RAB3GAP1: variants seen among roughly 807,000 people sequenced by gnomAD.
RAB3GAP1 encodes RAB3 GTPase activating protein catalytic subunit 1.
A neutral mutation model predicts 130.7 loss-of-function variants in RAB3GAP1; 86 were observed. The observed-to-expected ratio is 0.66, with a 90% CI of 0.55 to 0.79. The LOEUF is 0.79. Ranked by LOEUF, RAB3GAP1 falls within the 30% of genes least tolerant of loss-of-function variation. The pLI is 0.00. For synonymous variants in RAB3GAP1, 367 were observed against 401.7 expected (o/e 0.91, Z 1.03); for missense variants, 1,029 against 1,169.4 (o/e 0.88, Z 1.75).
At chr2:135,115,075 A>G (rs1690925904) in intron 6 of RAB3GAP1, 141 bp from the exon 7 acceptor site, 2 of 711,596 alleles carry the variant, frequency 2.8e-6, no homozygotes, top group Non-Finnish European at 4.6e-6. Flanking sequence ...TCTTTGTTAT[A>G]CACACAAACC....
Position 135,170,034 on chromosome 2 carries a change from C to T in RAB3GAP1, c.*1253C>T, listed in dbSNP as rs772517970. On this transcript the variant is annotated 3_prime_UTR_variant, in exon 24 of 24. Transcript: ENST00000264158. ...TGTGTGTGTGTGTGACATATGCACACGTCTCTGTGTATGTGAAGTAGGGGA... is the reference window on the plus strand; with the variant it reads ...TGTGTGTGTGTGTGACATATGCACATGTCTCTGTGTATGTGAAGTAGGGGA... The T allele has an allele frequency of 9.3e-6, 2 of 214,856 alleles. No individual in the cohort carries two copies. The highest frequency in any genetic ancestry group is 5.6e-5 in the Admixed American group (1 of 18,006). The allele number at this position is 214,856 out of a possible 1,614,324, so 13.3% of individuals were successfully genotyped here.
chr2:135,074,531 T>G (rs536993667), intron 3 of RAB3GAP1, among the ~76,000 whole-genome samples: 7 of 152,372 alleles, frequency 4.6e-5, no homozygotes, highest in South Asian at 2.1e-4. Flanking sequence ...ATCTTTTTAC[T>G]GGCCCTGGCC....
chr2:135,162,982 C>A lies in RAB3GAP1; in HGVS notation c.2491-4C>A, dbSNP rs761995897. On this transcript the variant is annotated splice_region_variant and splice_polypyrimidine_tract_variant and intron_variant, in intron 21 of 23. Coordinates refer to ENST00000264158, the MANE Select transcript of RAB3GAP1 (RefSeq NM_012233.3). ...ATGTATGCCTCTTCCTTTTCTACCGCCAGGAAATCATTCACCAGATTACTA... is the reference window on the plus strand; with the variant it reads ...ATGTATGCCTCTTCCTTTTCTACCGACAGGAAATCATTCACCAGATTACTA... The A allele has an allele frequency of 6.2e-7, 1 of 1,610,290 alleles. No individual in the cohort carries two copies. The highest frequency in any genetic ancestry group is 1.7e-5 in the Admixed American group (1 of 60,006).
chr2:135,074,093 G>A (rs1012033415), intron 3 of RAB3GAP1, among the ~76,000 whole-genome samples: 10 of 152,162 alleles, frequency 6.6e-5, no homozygotes, highest in African/African-American at 2.4e-4. Flanking sequence ...AATTGTGCTG[G>A]GTGCTCAATC....
intron 3 of RAB3GAP1, among the ~76,000 whole-genome samples, chr2:135,068,180 A>G (rs1325286669): frequency 1.3e-5 from 2 of 152,194 alleles, no homozygotes; most frequent in African/African-American, 4.8e-5. Flanking sequence ...CATAGCACCT[A>G]GCTGGGGGAA....
intron 5 of RAB3GAP1, among the ~76,000 whole-genome samples, chr2:135,109,871 C>T (rs1223743193): frequency 6.6e-6 from 1 of 152,104 alleles, no homozygotes; most frequent in Non-Finnish European, 1.5e-5. Flanking sequence ...TGTGAGCCAC[C>T]GCTCCCGGCC....
intron 3 of RAB3GAP1, among the ~76,000 whole-genome samples, chr2:135,090,093 A>T (rs1034521247): frequency 6.6e-6 from 1 of 152,174 alleles, no homozygotes; most frequent in Non-Finnish European, 1.5e-5. Flanking sequence ...TAATAAAAAG[A>T]TTATGATTTT....
At chr2:135,137,652 GAA>G (rs578048966) in intron 17 of RAB3GAP1, among the ~76,000 whole-genome samples, 2 of 151,916 alleles carry the variant, frequency 1.3e-5, no homozygotes, top group Admixed American at 6.6e-5. Flanking sequence ...TAAAGAAAAA[GAA>G]AAAATCCAAA....
At chr2:135,123,653 A>G (rs1691265631) in intron 8 of RAB3GAP1, among the ~76,000 whole-genome samples, 1 of 152,182 alleles carries the variant, frequency 6.6e-6, no homozygotes, top group Non-Finnish European at 1.5e-5. Context: ...CTAGTATGCC[A>G]TTCGTAATGG....
At chr2:135,105,423 G>T (rs1037184460) in intron 5 of RAB3GAP1, among the ~76,000 whole-genome samples, 1 of 151,772 alleles carries the variant, frequency 6.6e-6, no homozygotes, top group Non-Finnish European at 1.5e-5. Context: ...TGGTGGAGAC[G>T]GGGTTTCACT....
intron 12 of RAB3GAP1, 110 bp from the exon 13 acceptor site, chr2:135,130,442 C>A: frequency 1.1e-6 from 1 of 888,058 alleles, no homozygotes; most frequent in Non-Finnish European, 1.7e-6. Flanking sequence ...GACCATGTAA[C>A]ACTAGTAAAA....
intron 5 of RAB3GAP1, among the ~76,000 whole-genome samples, chr2:135,105,920 C>T (rs1420709447): frequency 5.3e-5 from 8 of 149,736 alleles, no homozygotes; most frequent in Admixed American, 1.3e-4. Context: ...TCTGCCCGGC[C>T]GCCCCGTCTG....
chr2:135,142,333 T>A (rs1481528661), intron 17 of RAB3GAP1, among the ~76,000 whole-genome samples: 1 of 152,182 alleles, frequency 6.6e-6, no homozygotes, highest in Non-Finnish European at 1.5e-5. Flanking sequence ...ATTTTCCAAT[T>A]TTTTTCCCTT....
rs141820149 is a variant in RAB3GAP1, at chr2:135,079,464, G to A, written c.151-11534G>A. Among the ~76,000 whole-genome samples the A allele has an allele frequency of 2.4e-3, 364 of 152,204 alleles. 1 individual carries two copies. The highest frequency in any genetic ancestry group is 0.017 in the South Asian group (80 of 4,820). On this transcript the variant is annotated intron_variant, in intron 3 of 23. Transcript: ENST00000264158. Reference sequence around the variant, plus strand: ...TTCAATGGCTTTCCATTGCCTACAGGGTAGTCTGAACTAGGACTGATATTC... The same window carrying A: ...TTCAATGGCTTTCCATTGCCTACAGAGTAGTCTGAACTAGGACTGATATTC...
intron 3 of RAB3GAP1, among the ~76,000 whole-genome samples, chr2:135,088,309 C>T (rs1049353451): frequency 3.3e-5 from 5 of 152,194 alleles, no homozygotes; most frequent in Non-Finnish European, 5.9e-5. Context: ...TACTTACTGC[C>T]TCTTGAGACT....
intron 3 of RAB3GAP1, among the ~76,000 whole-genome samples, chr2:135,088,300 A>G (rs1690044089): frequency 1.3e-5 from 2 of 152,140 alleles, no homozygotes; most frequent in South Asian, 4.1e-4. Flanking sequence ...TTATCATATT[A>G]CTTACTGCCT....
At position 135,134,031 on chromosome 2, in the gene RAB3GAP1, AG is replaced by A; in HGVS notation, c.1499+1del. ...FRWENNFLIP[G>X]LASGPPDLRC... ...GATGGGAAAACAACTTTCTGATTCC[AG>A]GGTAATAATTTCAATTTTCAATTGT... On this transcript the variant is annotated frameshift_variant and splice_region_variant, in exon 15 of 24. Transcript: ENST00000264158. LOFTEE classifies it high-confidence loss of function. 6.2e-7 allele frequency: 1 copy of A among 1,613,746 alleles called. No individual in the cohort carries two copies. Among genetic ancestry groups the A allele is most frequent in the Non-Finnish European group, 8.5e-7 (1 of 1,179,706 alleles).
At chr2:135,061,375 T>C (rs1467649429) in intron 3 of RAB3GAP1, among the ~76,000 whole-genome samples, 1 of 152,210 alleles carries the variant, frequency 6.6e-6, no homozygotes, top group African/African-American at 2.4e-5. Context: ...TTGTACTGTT[T>C]TACCTGCCCA....
At chr2:135,162,403 C>T (rs1165526824) in intron 19 of RAB3GAP1, 152 bp from the exon 20 acceptor site, 1 of 704,464 alleles carries the variant, frequency 1.4e-6, no homozygotes, top group African/African-American at 1.7e-5. Flanking sequence ...CTTTCAGTAA[C>T]ATTATCCTCA....
Sources: gnomAD v4.1 joint callset for allele counts (sites outside exome capture counted in the v4.1 genomes callset) on GRCh38, gnomAD v4.1.1 for gene constraint, MANE v1.5 for transcripts, NCBI Gene and HGNC (gene_info 2026-07-23, HGNC 2026-07-21) for gene names.